The following RYR2 variants were observed in gnomAD, a reference collection of about 807,000 sequenced individuals.
RYR2 encodes the protein ryanodine receptor 2.
Under a neutral mutation model 601.1 loss-of-function variants are expected in RYR2, and 227 were observed. The ratio of observed to expected loss-of-function variants is 0.38; its 90% CI spans 0.34 to 0.42. The LOEUF is 0.42. RYR2 is among the 10% of genes least tolerant of loss of function. RYR2 has a pLI of 1.00. For missense variants in RYR2, 4,646 were observed against 6,156.5 expected, an observed-to-expected ratio of 0.75 and a Z score of 8.21; for synonymous variants, 2,223 against 2,175.1, an observed-to-expected ratio of 1.02 and a Z score of -0.61.
chr1:237,703,592 A>G (rs944425933), intron 66 of RYR2, among the ~76,000 whole-genome samples: 3 of 148,112 alleles, frequency 2.0e-5, no homozygotes, highest in East Asian at 1.9e-4. Flanking sequence ...TATATAAAAT[A>G]TATACATAAA....
At chr1:237,773,784 T>A (rs1266418144) in intron 87 of RYR2, 136 bp downstream of exon 87, 1 of 684,284 alleles carries the variant, frequency 1.5e-6, no homozygotes, top group South Asian at 2.2e-5. Flanking sequence ...AAATATTAGG[T>A]TGAGATGTGA....
chr1:237,821,073 G>A (rs1210900538), intron 101 of RYR2, among the ~76,000 whole-genome samples: 1 of 152,136 alleles, frequency 6.6e-6, no homozygotes, highest in East Asian at 1.9e-4. Context: ...AGAGCACCTG[G>A]GGAAAGGGGT....
intron 12 of RYR2, among the ~76,000 whole-genome samples, chr1:237,429,350 T>C (rs1706547402): frequency 6.6e-6 from 1 of 152,166 alleles, no homozygotes; most frequent in Non-Finnish European, 1.5e-5. Context: ...GGGTTATCTC[T>C]GCACCAAAAC....
At chr1:237,465,376 ATAT>A (rs1659957977) in intron 16 of RYR2, among the ~76,000 whole-genome samples, 1 of 152,146 alleles carries the variant, frequency 6.6e-6, no homozygotes, top group South Asian at 2.1e-4. Context: ...AACTTATATA[ATAT>A]TTTTGGATTT....
intron 29 of RYR2, among the ~76,000 whole-genome samples, chr1:237,575,156 T>C (rs893644109): frequency 6.6e-6 from 1 of 152,204 alleles, no homozygotes; most frequent in Non-Finnish European, 1.5e-5. Flanking sequence ...TGTTTTTAGA[T>C]GTACGTATAA....
chr1:237,148,407 G>A (rs532577731), intron 1 of RYR2, among the ~76,000 whole-genome samples: 1 of 151,378 alleles, frequency 6.6e-6, no homozygotes, highest in South Asian at 2.1e-4. Context: ...AATGCATGTG[G>A]GGCTTCAAAC....
chr1:237,514,451 T>C (rs1666219787), intron 24 of RYR2, among the ~76,000 whole-genome samples: 1 of 152,256 alleles, frequency 6.6e-6, no homozygotes, highest in Non-Finnish European at 1.5e-5. Context: ...AAGCAAATGC[T>C]TAACATTTCT....
chr1:237,063,604 ACT>A (rs113420369), intron 1 of RYR2, among the ~76,000 whole-genome samples: 12 of 148,460 alleles, frequency 8.1e-5, no homozygotes, highest in African/African-American at 1.0e-4. Flanking sequence ...ACACATACAC[ACT>A]CTCTCTCTCT....
chr1:237,047,611 C>T (rs547499236), intron 1 of RYR2, among the ~76,000 whole-genome samples: 1 of 152,250 alleles, frequency 6.6e-6, no homozygotes, highest in East Asian at 1.9e-4. Flanking sequence ...TTGCCAGTAA[C>T]TCCCTCCTTG....
chr1:237,734,593 A>C (rs566461231), intron 79 of RYR2, among the ~76,000 whole-genome samples: 3 of 152,312 alleles, frequency 2.0e-5, no homozygotes, highest in Admixed American at 6.5e-5. Flanking sequence ...GCCATGCAAA[A>C]ATAGTACAGC....
chr1:237,430,161 CATAT>C (rs796658467), intron 12 of RYR2, among the ~76,000 whole-genome samples: 62 of 149,450 alleles, frequency 4.1e-4, no homozygotes, highest in African/African-American at 1.4e-3. Context: ...TAACATATAA[CATAT>C]ATAGTCATAT....
chr1:237,648,884 G>T (rs1280856981), intron 49 of RYR2, among the ~76,000 whole-genome samples: 1 of 152,196 alleles, frequency 6.6e-6, no homozygotes, highest in Admixed American at 6.5e-5. Flanking sequence ...GATTCAATAA[G>T]AGGTTCACAT....
At chr1:237,656,206 A>G (rs920608350) in intron 53 of RYR2, among the ~76,000 whole-genome samples, 2 of 152,168 alleles carry the variant, frequency 1.3e-5, no homozygotes, top group African/African-American at 2.4e-5. Flanking sequence ...TCTTAACACA[A>G]TCAAGACTCT....
intron 19 of RYR2, 28 bp from the exon 20 acceptor site, chr1:237,496,483 C>A: frequency 6.2e-7 from 1 of 1,603,958 alleles, no homozygotes; most frequent in South Asian, 1.1e-5. Flanking sequence ...TTGGACTTTC[C>A]TTACATGTGA....
intron 10 of RYR2, among the ~76,000 whole-genome samples, chr1:237,388,760 G>A (rs1006312296): frequency 6.6e-6 from 1 of 152,126 alleles, no homozygotes; most frequent in Non-Finnish European, 1.5e-5. Context: ...AAAATATTTA[G>A]AATAGTTTGC....
At chr1:237,485,522 C>T (rs1449692092) in intron 17 of RYR2, among the ~76,000 whole-genome samples, 1 of 152,184 alleles carries the variant, frequency 6.6e-6, no homozygotes, top group Non-Finnish European at 1.5e-5. Flanking sequence ...GGTAAAGACT[C>T]ACCAAATGAG....
chr1:237,126,664 T>C (rs2148673954), intron 1 of RYR2, among the ~76,000 whole-genome samples: 1 of 152,350 alleles, frequency 6.6e-6, no homozygotes, highest in South Asian at 2.1e-4. Context: ...TAGGTATTTC[T>C]CCCAGAAAAC....
intron 1 of RYR2, among the ~76,000 whole-genome samples, chr1:237,074,687 AG>A (rs1664787303): frequency 6.6e-6 from 1 of 152,208 alleles, no homozygotes; most frequent in Admixed American, 6.5e-5. Context: ...TGCAAACCCA[AG>A]ATGGCCCTTT....
chr1:237,523,071 A>G (rs1667246487), intron 24 of RYR2, among the ~76,000 whole-genome samples: 1 of 152,224 alleles, frequency 6.6e-6, no homozygotes, highest in African/African-American at 2.4e-5. Context: ...CAAACACTTC[A>G]TTCAAACAAA....
Sources: allele counts gnomAD v4.1 joint callset (sites outside exome capture counted in the v4.1 genomes callset), GRCh38; gene constraint gnomAD v4.1.1; transcripts MANE v1.5; gene names NCBI Gene and HGNC (gene_info 2026-07-23, HGNC 2026-07-21).